Variants in MS4A18 observed in about 807,000 individuals in gnomAD.
MS4A18 encodes the protein membrane-spanning 4-domains subfamily A member 18.
MS4A18 carries 27 observed loss-of-function variants against 13.1 expected under a neutral mutation model. The observed-to-expected ratio is 2.06, with a 90% CI of 1.52 to 2.84. The LOEUF (loss-of-function observed/expected upper bound fraction) is 2.84. Ranked by LOEUF, MS4A18 falls within the 30% of genes most tolerant of loss-of-function variation. The pLI, the probability that MS4A18 is intolerant of heterozygous loss-of-function variation, is 0.00. For missense variants in MS4A18, 307 were observed against 196.4 expected (o/e 1.56, Z -3.37); for synonymous variants, 126 against 76.5 (o/e 1.65, Z -3.38).
At chr11:60,734,132 T>C (rs1296469890) in intron 2 of MS4A18, among the ~76,000 whole-genome samples, 1 of 152,092 alleles carries the variant, frequency 6.6e-6, no homozygotes, top group African/African-American at 2.4e-5. Context: ...GGTGTGCACT[T>C]GTAGTCCCAG....
At chr11:60,735,091 T>C (rs989141312) in intron 2 of MS4A18, among the ~76,000 whole-genome samples, 1 of 152,162 alleles carries the variant, frequency 6.6e-6, no homozygotes, top group Non-Finnish European at 1.5e-5. Context: ...CCTAACAATA[T>C]GAATTTTCTT....
rs755636088 is a variant in MS4A18, at chr11:60,738,946, CT to C, written c.696del (p.Phe232LeufsTer11). On this transcript the variant is annotated frameshift_variant, in exon 4 of 6. Coordinates refer to ENST00000529108, the Ensembl canonical transcript of MS4A18. LOFTEE classifies it high-confidence loss of function. ...TCAACATCATCAGCGCACTCTTCGC[CT>C]TTGCCGGGATCTTCATTATCATTAC... 2 of 703,282 alleles carry C rather than the reference CT, an allele frequency of 2.8e-6. No homozygotes were observed. The allele number at this position is 703,282 out of a possible 1,614,324, so 43.6% of individuals were successfully genotyped here.
intron 1 of MS4A18, among the ~76,000 whole-genome samples, chr11:60,730,353 C>T (rs1262789820): frequency 6.6e-6 from 1 of 152,198 alleles, no homozygotes; most frequent in Non-Finnish European, 1.5e-5. Context: ...AAGCCAGATG[C>T]CTGGCTGGAT....
intron 1 of MS4A18, among the ~76,000 whole-genome samples, chr11:60,732,391 C>A (rs1039045758): frequency 6.6e-6 from 1 of 151,908 alleles, no homozygotes; most frequent in African/African-American, 2.4e-5. Context: ...AAGAGAATAT[C>A]GGTACTGGGA....
chr11:60,743,523 A>G (rs1853436835), intron 5 of MS4A18, 127 bp from the exon 7 acceptor site: 7 of 625,216 alleles, frequency 1.1e-5, no homozygotes, highest in African/African-American at 1.8e-5. Context: ...AAGTCACATG[A>G]CCAAGCCCAG....
chr11:60,725,807 G>C (rs1853148699), upstream of MS4A18, among the ~76,000 whole-genome samples: 1 of 152,164 alleles, frequency 6.6e-6, no homozygotes, highest in Admixed American at 6.5e-5. Flanking sequence ...GAGCCTCAGA[G>C]AGTTTGCCCG....
intron 4 of MS4A18, among the ~76,000 whole-genome samples, chr11:60,740,443 G>T (rs1429685326): frequency 6.6e-6 from 1 of 152,218 alleles, no homozygotes; most frequent in Non-Finnish European, 1.5e-5. Flanking sequence ...GTCAAGGGCA[G>T]TATGAGGCAG....
chr11:60,743,522 G>A lies in MS4A18; in HGVS notation c.859-128G>A, dbSNP rs116225492. On this transcript the variant is annotated intron_variant, in intron 5 of 5. Transcript: ENST00000529108. ...CCCCCTTGGCCAAAGAAAGTCACAT[G>A]ACCAAGCCCAGCATCAGGGAGAGAG... 1,999 of 622,892 alleles carry A rather than the reference G, an allele frequency of 3.2e-3. 31 individuals are homozygous for A. In the African/African-American group the frequency reaches 0.033, roughly 10 times the overall value. The allele number at this position is 622,892 out of a possible 1,614,324, so 38.6% of individuals were successfully genotyped here. A position where few individuals can be genotyped will look rare whatever the true frequency, so the allele number is the denominator to read the frequency against.
In MS4A18 at chr11:60,743,684, AC is replaced by A; in HGVS notation, c.896del (p.Pro299GlnfsTer67). The A allele has an allele frequency of 8.5e-6, 6 of 702,946 alleles. No individual in the cohort carries two copies. Among genetic ancestry groups the A allele is most frequent in the Non-Finnish European group, 1.6e-5 (6 of 384,986 alleles). 43.5% of individuals were successfully genotyped at this position (702,946 alleles called of 1,614,324 possible). A position where few individuals can be genotyped will look rare whatever the true frequency, so the allele number is the denominator to read the frequency against. ...GTGATTCCAACCGTATTCAGTTTCA[AC>A]CCAGCCAATACCACCACCAGCCCTG... is the stretch of plus-strand genomic sequence containing the variant. On this transcript the variant is annotated frameshift_variant, in exon 6 of 6. Coordinates refer to ENST00000529108, the Ensembl canonical transcript of MS4A18. LOFTEE classifies it low-confidence loss of function (END_TRUNC).
chr11:60,732,991 A>G (rs1234494930), intron 1 of MS4A18, among the ~76,000 whole-genome samples: 1 of 152,274 alleles, frequency 6.6e-6, no homozygotes, highest in Non-Finnish European at 1.5e-5. Flanking sequence ...CATCAGAATC[A>G]TCTATTTTGG....
At chr11:60,729,810 C>A (rs1228602322) in intron 1 of MS4A18, 24 bp downstream of exon 2, 3 of 674,806 alleles carry the variant, frequency 4.4e-6, no homozygotes, top group Non-Finnish European at 8.1e-6. Context: ...CTCCTTCTCT[C>A]CGATTTGGGT....
At chr11:60,733,432 A>C in intron 1 of MS4A18, 102 bp from the exon 3 acceptor site, 2 of 672,842 alleles carry the variant, frequency 3.0e-6, no homozygotes, top group Non-Finnish European at 5.4e-6. Context: ...AACACCAATC[A>C]CCCCTGGGGT....
At chr11:60,736,946 T>G in intron 2 of MS4A18, 32 bp from the exon 4 acceptor site, 1 of 689,598 alleles carries the variant, frequency 1.5e-6, no homozygotes, top group Non-Finnish European at 2.6e-6. Flanking sequence ...GCACAATTGG[T>G]CATTCTTTTT....
chr11:60,736,320 T>C lies in MS4A18; in HGVS notation c.592-658T>C, dbSNP rs572872318. ...AGATCTTCCTCCAGCACTTTCTGGC[T>C]ATGAGGATGACACCACCACATCCTC... On this transcript the variant is annotated intron_variant, in intron 2 of 5. Transcript: ENST00000529108. Among the ~76,000 whole-genome samples, 18 of 151,740 alleles carry C rather than the reference T, an allele frequency of 1.2e-4. 1 individual carries two copies. In the East Asian group the frequency reaches 3.3e-3, roughly 28 times the overall value.
chr11:60,743,819 ACAC>A (rs1565062780), exon 6 of MS4A18: 1 of 702,922 alleles, frequency 1.4e-6, no homozygotes, highest in Admixed American at 2.0e-5. Flanking sequence ...AGCCCTGTCA[ACAC>A]CACCACCAGC....
At chr11:60,732,201 C>T (rs774857169) in intron 1 of MS4A18, among the ~76,000 whole-genome samples, 7 of 151,814 alleles carry the variant, frequency 4.6e-5, no homozygotes, top group Non-Finnish European at 1.0e-4. Context: ...TCTCTCTGGT[C>T]CTTAAGGGAA....
chr11:60,725,272 C>T (rs1853133640), upstream of MS4A18, among the ~76,000 whole-genome samples: 2 of 152,310 alleles, frequency 1.3e-5, no homozygotes, highest in Admixed American at 1.3e-4. Flanking sequence ...CGGCTCACTG[C>T]AAGTTCCACC....
chr11:60,726,091 T>C (rs573808672), upstream of MS4A18, among the ~76,000 whole-genome samples: 14 of 152,258 alleles, frequency 9.2e-5, no homozygotes, highest in African/African-American at 3.4e-4. Context: ...GAAATGCAAA[T>C]AGCAGTCAGA....
intron 2 of MS4A18, among the ~76,000 whole-genome samples, chr11:60,736,552 G>A (rs1268594289): frequency 6.6e-6 from 1 of 152,020 alleles, no homozygotes; most frequent in Non-Finnish European, 1.5e-5. Flanking sequence ...CAGCCCCAAG[G>A]CTCCACCCAC....
Sources: gnomAD v4.1 joint callset for allele counts (sites outside exome capture counted in the v4.1 genomes callset) on GRCh38, gnomAD v4.1.1 for gene constraint, MANE v1.5 for transcripts, NCBI Gene and HGNC (gene_info 2026-07-23, HGNC 2026-07-21) for gene names.